Variants in TTC1 observed in about 807,000 individuals in gnomAD.
TTC1 encodes tetratricopeptide repeat protein 1.
In TTC1, 31 loss-of-function variants were observed where a neutral mutation model predicts 37.6. That is an observed-to-expected ratio of 0.82 (90% CI 0.62 to 1.11). TTC1 has a LOEUF of 1.11. Ranked by LOEUF, TTC1 falls within the 50% of genes most tolerant of loss-of-function variation. The pLI, the probability that TTC1 is intolerant of heterozygous loss-of-function variation, is 0.00. For synonymous variants in TTC1, 127 were observed against 122.4 expected (o/e 1.04, Z -0.25); for missense variants, 351 against 339.0 (o/e 1.04, Z -0.28).
intron 7 of TTC1, among the ~76,000 whole-genome samples, chr5:160,059,040 TG>T (rs1440608371): frequency 6.6e-6 from 1 of 152,212 alleles, no homozygotes; most frequent in Non-Finnish European, 1.5e-5. Flanking sequence ...CTAAGATTTT[TG>T]GAATGGTAAA....
chr5:160,023,616 C>T (rs2113353581), intron 2 of TTC1: 10 of 781,690 alleles, frequency 1.3e-5, no homozygotes, highest in East Asian at 5.4e-5. Flanking sequence ...TGTTTTATCA[C>T]GAAACAGATC....
intron 2 of TTC1, among the ~76,000 whole-genome samples, chr5:160,028,153 G>T (rs529251769): frequency 6.6e-6 from 1 of 152,094 alleles, no homozygotes; most frequent in East Asian, 1.9e-4. Flanking sequence ...CAAAAAATTG[G>T]CCTGGTGTGG....
At chr5:160,042,970 T>G (rs902880218) in intron 4 of TTC1, among the ~76,000 whole-genome samples, 163 bp from the exon 5 acceptor site, 25 of 152,220 alleles carry the variant, frequency 1.6e-4, no homozygotes, top group African/African-American at 5.5e-4. Flanking sequence ...CGTGTTAATT[T>G]TGAGTTTTGT....
chr5:160,022,412 G>A (rs992314073), intron 2 of TTC1, among the ~76,000 whole-genome samples: 2 of 152,114 alleles, frequency 1.3e-5, no homozygotes, highest in Non-Finnish European at 2.9e-5. Context: ...TGGGTTTTTT[G>A]GAGGGTGGTT....
Position 160,051,160 on chromosome 5 carries a change from A to G in TTC1, c.722A>G (p.Glu241Gly). ...CCTAAGCAAATTGAAGAACGTAATG[A>G]AAGACTAAAAGAAGAGATGTTAGGT... ...RLPKQIEERN[E>G]RLKEEMLGKL... Residue 241 changes from glutamate (E) to glycine (G), a missense_variant, in exon 7 of 8, where the codon GAA becomes GGA. Glu to Gly is a moderately conservative substitution (Grantham distance 98, BLOSUM62 -2). Coordinates refer to ENST00000231238, the MANE Select transcript of TTC1 (RefSeq NM_003314.3). 1 of 1,610,714 alleles carries G rather than the reference A, an allele frequency of 6.2e-7. No individual in the cohort carries two copies. Among genetic ancestry groups the G allele is most frequent in the Non-Finnish European group, 8.5e-7 (1 of 1,178,156 alleles).
At chr5:160,060,450 G>C (rs1757667930) in intron 7 of TTC1, among the ~76,000 whole-genome samples, 1 of 152,186 alleles carries the variant, frequency 6.6e-6, no homozygotes, top group South Asian at 2.1e-4. Flanking sequence ...TCTTTGCCAT[G>C]GGATCTAGTC....
chr5:160,043,157 G>T lies in TTC1; in HGVS notation c.529G>T (p.Asp177Tyr). Reference protein sequence around the residue: ...KQDKKEMAINDCSKAIQLNPS... With the variant: ...KQDKKEMAINYCSKAIQLNPS... ...GGACAAGAAAGAAATGGCCATCAATGACTGCAGCAAAGGTACAGCTTTATT... is the reference window on the plus strand; with the variant it reads ...GGACAAGAAAGAAATGGCCATCAATTACTGCAGCAAAGGTACAGCTTTATT... The change falls in exon 5 of 8, where the codon GAC (aspartate) becomes TAC (tyrosine). Residue 177 changes from aspartate (D) to tyrosine (Y), a missense_variant. By Grantham distance (160) the Asp-to-Tyr change is radical. Transcript: ENST00000231238. 1.9e-6 allele frequency: 3 copies of T among 1,613,358 alleles called. No individual in the cohort carries two copies. Among genetic ancestry groups the T allele is most frequent in the Non-Finnish European group, 2.5e-6 (3 of 1,179,676 alleles).
Position 160,065,291 on chromosome 5 carries a change from G to C in TTC1, c.*226G>C, listed in dbSNP as rs1234759147. ...TCCATTTTAAGGTGGTGTCTGTGCA[G>C]CTGGTGTCCCCGATTCTGGCTGTCC... On this transcript the variant is annotated 3_prime_UTR_variant, in exon 8 of 8. Coordinates refer to ENST00000231238, the MANE Select transcript of TTC1 (RefSeq NM_003314.3). 2.8e-6 allele frequency: 2 copies of C among 708,648 alleles called. No homozygotes were observed. Among genetic ancestry groups the C allele is most frequent in the South Asian group, 3.0e-5 (2 of 67,446 alleles). The allele number at this position is 708,648 out of a possible 1,614,324, so 43.9% of individuals were successfully genotyped here.
intron 2 of TTC1, among the ~76,000 whole-genome samples, chr5:160,034,497 C>T (rs1217391207): frequency 6.6e-6 from 1 of 152,164 alleles, no homozygotes; most frequent in African/African-American, 2.4e-5. Context: ...CTTGTACCCA[C>T]AAATGTGCTC....
intron 2 of TTC1, among the ~76,000 whole-genome samples, chr5:160,029,853 C>T (rs1206012049): frequency 6.6e-6 from 1 of 152,140 alleles, no homozygotes; most frequent in Non-Finnish European, 1.5e-5. Flanking sequence ...GAGGCTTGAA[C>T]TGGAAATCCT....
chr5:160,045,202 T>G (rs936123716), intron 5 of TTC1, among the ~76,000 whole-genome samples: 4 of 152,152 alleles, frequency 2.6e-5, no homozygotes, highest in African/African-American at 9.7e-5. Flanking sequence ...TAAGAAATAG[T>G]TCATTTCCAT....
intron 7 of TTC1, among the ~76,000 whole-genome samples, chr5:160,059,205 A>C (rs1757630546): frequency 6.6e-6 from 1 of 152,128 alleles, no homozygotes; most frequent in African/African-American, 2.4e-5. Context: ...TTTCATCTAC[A>C]CTAAAAACAT....
chr5:160,053,032 A>G (rs1757444693), intron 7 of TTC1, among the ~76,000 whole-genome samples: 1 of 152,198 alleles, frequency 6.6e-6, no homozygotes, highest in Non-Finnish European at 1.5e-5. Context: ...TTACCCCACA[A>G]TAGATAACCT....
chr5:160,045,508 ACACACATACACACTCTCTCTCT>A (rs1431859746), intron 5 of TTC1, among the ~76,000 whole-genome samples: 5 of 75,880 alleles, frequency 6.6e-5, no homozygotes, highest in African/African-American at 2.9e-4. Flanking sequence ...ACACACACAC[ACACACATACACACTCTCTCTCT>A]CTCTCTCTCT....
intron 7 of TTC1, among the ~76,000 whole-genome samples, chr5:160,062,966 C>T (rs1028782992): frequency 2.6e-5 from 4 of 152,280 alleles, no homozygotes; most frequent in African/African-American, 7.2e-5. Context: ...GAGGCTGTGC[C>T]GCTGCCTTGT....
intron 4 of TTC1, among the ~76,000 whole-genome samples, chr5:160,039,919 G>T (rs1757058142): frequency 6.6e-6 from 1 of 152,156 alleles, no homozygotes; most frequent in African/African-American, 2.4e-5. Context: ...GTAAAATACA[G>T]ATAACATAAA....
intron 2 of TTC1, among the ~76,000 whole-genome samples, chr5:160,026,372 G>A (rs1280979266): frequency 9.9e-5 from 15 of 152,106 alleles, no homozygotes; most frequent in Admixed American, 9.8e-4. Context: ...TTGTACCTCT[G>A]GTTGTTTAAA....
chr5:160,032,039 A>G (rs373000841), intron 2 of TTC1, among the ~76,000 whole-genome samples: 8 of 152,336 alleles, frequency 5.3e-5, no homozygotes, highest in African/African-American at 1.9e-4. Flanking sequence ...CTGGCTGCTC[A>G]GGCCGGCCCG....
rs1246871897 is a variant in TTC1 at position 160,045,496 on chromosome 5, A to T, written c.541+2327A>T. ...CACACACACACACACACACACACAC[A>T]CACACACACACACACACATACACAC... On this transcript the variant is annotated intron_variant, in intron 5 of 7. Coordinates refer to ENST00000231238, the MANE Select transcript of TTC1 (RefSeq NM_003314.3). Among the ~76,000 whole-genome samples, 192 of 107,440 alleles carry T rather than the reference A, an allele frequency of 1.8e-3. 2 individuals are homozygous for T. The highest frequency in any genetic ancestry group is 2.3e-3 in the African/African-American group (65 of 27,730). The allele number at this position is 107,440 out of a possible 152,430, so 70.5% of individuals were successfully genotyped here.
Sources: gnomAD v4.1 joint callset for allele counts (sites outside exome capture counted in the v4.1 genomes callset) on GRCh38, gnomAD v4.1.1 for gene constraint, MANE v1.5 for transcripts, NCBI Gene and HGNC (gene_info 2026-07-23, HGNC 2026-07-21) for gene names.